Variants in ROBO2 observed in about 807,000 individuals in gnomAD.
The protein encoded by ROBO2 is roundabout homolog 2.
ROBO2 carries 53 observed loss-of-function variants against 160.8 expected under a neutral mutation model. That is an observed-to-expected ratio of 0.33 (90% CI 0.26 to 0.41). ROBO2 has a LOEUF of 0.41. Among genes scored for constraint, ROBO2 ranks in the 10% least tolerant of loss-of-function variants. The pLI is 1.00. For missense variants in ROBO2, 1,577 were observed against 1,722.4 expected (o/e 0.92, Z 1.49); for synonymous variants, 664 against 611.7 (o/e 1.09, Z -1.26).
chr3:76,713,801 C>G (rs2093337981), intron 2 of ROBO2, among the ~76,000 whole-genome samples: 1 of 152,020 alleles, frequency 6.6e-6, no homozygotes, highest in Non-Finnish European at 1.5e-5. Context: ...AGTAAGTTCT[C>G]AGTCATAACT....
intron 2 of ROBO2, among the ~76,000 whole-genome samples, chr3:76,134,863 C>G (rs1287957964): frequency 6.6e-6 from 1 of 151,486 alleles, no homozygotes; most frequent in Non-Finnish European, 1.5e-5. Context: ...GTCTCTAAAC[C>G]TCACAAAAAA....
intron 2 of ROBO2, among the ~76,000 whole-genome samples, chr3:76,437,491 G>C (rs900545962): frequency 3.9e-5 from 6 of 152,128 alleles, no homozygotes; most frequent in African/African-American, 1.4e-4. Context: ...AATGATTTGG[G>C]AAGTATTTCT....
At chr3:77,636,069 C>T (rs1178050723) in intron 24 of ROBO2, among the ~76,000 whole-genome samples, 1 of 152,002 alleles carries the variant, frequency 6.6e-6, no homozygotes, top group Admixed American at 6.6e-5. Context: ...CATGAGGACT[C>T]CACCCTCATC....
intron 2 of ROBO2, among the ~76,000 whole-genome samples, chr3:77,019,815 A>G (rs1338029002): frequency 6.6e-6 from 1 of 152,220 alleles, no homozygotes; most frequent in African/African-American, 2.4e-5. Context: ...AGGCTAAAGA[A>G]ACAGATTGGT....
chr3:76,229,179 C>G lies in ROBO2; in HGVS notation c.109+291577C>G, dbSNP rs1301545304. Among the ~76,000 whole-genome samples the G allele has an allele frequency of 2.0e-5, 3 of 152,074 alleles. No individual in the cohort carries two copies. In the South Asian group the frequency reaches 6.2e-4, roughly 32 times the overall value. On this transcript the variant is annotated intron_variant, in intron 2 of 26. Coordinates refer to the ROBO2 transcript ENST00000487694. ...CATTTAATGTTGAATTATTAGAAAACTAATGATTTCTTTCTCATAAAAGAT... is the reference window on the plus strand; with the variant it reads ...CATTTAATGTTGAATTATTAGAAAAGTAATGATTTCTTTCTCATAAAAGAT...
At chr3:76,960,802 T>C (rs1215021976) in intron 2 of ROBO2, among the ~76,000 whole-genome samples, 1 of 152,178 alleles carries the variant, frequency 6.6e-6, no homozygotes, top group Non-Finnish European at 1.5e-5. Flanking sequence ...TAAACCACTG[T>C]AGCACTATTT....
chr3:76,538,573 C>T (rs541430923), intron 2 of ROBO2, among the ~76,000 whole-genome samples: 1 of 152,076 alleles, frequency 6.6e-6, no homozygotes, highest in Non-Finnish European at 1.5e-5. Context: ...GTGTGAAAAC[C>T]AATTGTTTTT....
At chr3:77,213,814 T>A (rs577136732) in intron 2 of ROBO2, among the ~76,000 whole-genome samples, 2 of 152,222 alleles carry the variant, frequency 1.3e-5, no homozygotes, top group African/African-American at 4.8e-5. Context: ...ACATCTTTAT[T>A]TCTGCCTTCA....
In ROBO2 at chr3:75,978,427, A is replaced by G. The variant is rs552377502; in HGVS notation, c.109+40825A>G. Among the ~76,000 whole-genome samples, 84 of 151,648 alleles carry G rather than the reference A, an allele frequency of 5.5e-4. 2 individuals carry two copies. The South Asian group carries it at 0.017, about 30-fold the overall frequency. ...TCTTTCATTTTTAATTTAATCTTCA[A>G]TTGATGGTGTTCACCAAAATTTTAC... On this transcript the variant is annotated intron_variant, in intron 2 of 26. Transcript: ENST00000487694.
At chr3:77,497,101 G>A (rs992226072) in intron 5 of ROBO2, among the ~76,000 whole-genome samples, 4 of 152,076 alleles carry the variant, frequency 2.6e-5, no homozygotes, top group African/African-American at 4.8e-5. Context: ...ATGCGACCAA[G>A]GGACAAAATG....
chr3:76,256,357 T>TACACACAC lies in ROBO2; in HGVS notation c.109+318768_109+318775dup, dbSNP rs746860395. Among the ~76,000 whole-genome samples, 63 of 106,674 alleles carry TACACACAC rather than the reference T, an allele frequency of 5.9e-4. 2 individuals carry two copies. In the East Asian group the frequency reaches 8.3e-3, roughly 14 times the overall value. 70.0% of individuals were successfully genotyped at this position (106,674 alleles called of 152,430 possible). On this transcript the variant is annotated intron_variant, in intron 2 of 26. Transcript: ENST00000487694. ...TCTCTCTCTCTCTCTCTCTCTCACA[T>TACACACAC]ACACACACACACACACACACGCAAG...
chr3:76,257,589 T>C (rs939672562), intron 2 of ROBO2, among the ~76,000 whole-genome samples: 10 of 152,160 alleles, frequency 6.6e-5, no homozygotes, highest in Non-Finnish European at 1.5e-4. Context: ...CGCTATTGTA[T>C]AGTGTATTTC....
intron 2 of ROBO2, among the ~76,000 whole-genome samples, chr3:76,762,853 G>A (rs1576480530): frequency 6.6e-6 from 1 of 151,692 alleles, no homozygotes; most frequent in Middle Eastern, 3.4e-3. Flanking sequence ...CCTATATTGT[G>A]TTATTTTCAT....
chr3:77,437,268 A>G (rs11707137), intron 2 of ROBO2, among the ~76,000 whole-genome samples: 40 of 151,970 alleles, frequency 2.6e-4, no homozygotes, highest in Non-Finnish European at 5.3e-4. Context: ...GTGATTTCTA[A>G]AAGTTTGTTT....
At chr3:75,965,562 T>C (rs1379405615) in intron 2 of ROBO2, among the ~76,000 whole-genome samples, 1 of 15,594 alleles carries the variant, frequency 6.4e-5, no homozygotes, top group African/African-American at 1.0e-4. Flanking sequence ...CTAATCATCC[T>C]GTACTTTATC....
chr3:75,917,606 C>T (rs1195470725), intron 1 of ROBO2, among the ~76,000 whole-genome samples: 2 of 152,160 alleles, frequency 1.3e-5, no homozygotes, highest in Non-Finnish European at 2.9e-5. Flanking sequence ...CTTGAGGAAT[C>T]ACCACATTGT....
intron 2 of ROBO2, among the ~76,000 whole-genome samples, chr3:75,972,136 A>G (rs1208601407): frequency 6.6e-6 from 1 of 151,618 alleles, no homozygotes; most frequent in Non-Finnish European, 1.5e-5. Flanking sequence ...GTAAATGATT[A>G]TTGAACAAAT....
intron 23 of ROBO2, chr3:77,630,623 G>A (rs1348459699): frequency 6.6e-6 from 1 of 152,066 alleles, no homozygotes; most frequent in Non-Finnish European, 1.5e-5. Context: ...TTAATTAGAA[G>A]TTTAGATATG....
At chr3:77,337,974 G>A (rs1262977190) in intron 2 of ROBO2, among the ~76,000 whole-genome samples, 2 of 152,090 alleles carry the variant, frequency 1.3e-5, no homozygotes, top group Non-Finnish European at 1.5e-5. Context: ...ATTGGTTGAT[G>A]TTTCATTTCA....
Sources: gnomAD v4.1 joint callset for allele counts (sites outside exome capture counted in the v4.1 genomes callset) on GRCh38, gnomAD v4.1.1 for gene constraint, MANE v1.5 for transcripts, NCBI Gene and HGNC (gene_info 2026-07-23, HGNC 2026-07-21) for gene names.